The following BACE2 variants were observed in gnomAD, a reference collection of about 807,000 sequenced individuals.
The protein encoded by BACE2 is 56 kDa aspartic-like protease.
A neutral mutation model predicts 46.2 loss-of-function variants in BACE2; 17 were observed. The observed-to-expected ratio is 0.37, with a 90% CI of 0.25 to 0.55. The LOEUF (loss-of-function observed/expected upper bound fraction) is 0.55. Ranked by LOEUF, BACE2 falls within the 20% of genes least tolerant of loss-of-function variation. BACE2 has a pLI of 0.82. For missense variants in BACE2, 595 were observed against 698.1 expected (o/e 0.85, Z 1.66); for synonymous variants, 277 against 295.9 (o/e 0.94, Z 0.66).
intron 5 of BACE2, among the ~76,000 whole-genome samples, chr21:41,243,861 T>TG (rs1987376809): frequency 6.6e-6 from 1 of 152,218 alleles, no homozygotes; most frequent in African/African-American, 2.4e-5. Context: ...TTTTAATCAG[T>TG]GTAGGACAGA....
chr21:41,179,446 G>A lies in BACE2; in HGVS notation c.312+10871G>A. ...TGTCAGGGTGAGTGAACGTGTCCAG[G>A]GTGAGTGAGGGTGTCCAGGGTGCAG... On this transcript the variant is annotated intron_variant, in intron 1 of 8. Transcript: ENST00000330333. 2.3e-6 allele frequency: 3 copies of A among 1,333,036 alleles called. No individual in the cohort carries two copies. The South Asian group carries it at 3.6e-5, about 16-fold the overall frequency. The allele number at this position is 1,333,036 out of a possible 1,614,324, so 82.6% of individuals were successfully genotyped here. A position where few individuals can be genotyped will look rare whatever the true frequency, so the allele number is the denominator to read the frequency against.
chr21:41,266,676 A>G (rs892516988), intron 8 of BACE2, among the ~76,000 whole-genome samples: 1 of 152,146 alleles, frequency 6.6e-6, no homozygotes, highest in Non-Finnish European at 1.5e-5. Flanking sequence ...CCTTTCACCA[A>G]TGGGCAAGGT....
chr21:41,168,705 C>G, intron 1 of BACE2, 130 bp downstream of exon 1: 5 of 512,346 alleles, frequency 9.8e-6, no homozygotes, highest in Admixed American at 4.9e-5. Flanking sequence ...GAGCGGGGAA[C>G]GCAGAGGGGC....
Position 41,168,432 on chromosome 21 carries a change from G to A in BACE2, c.169G>A (p.Ala57Thr). Residue 57 changes from alanine to threonine, a missense_variant, in exon 1 of 9, where the codon GCC becomes ACC. By Grantham distance (58) the Ala-to-Thr change is moderately conservative. Coordinates refer to ENST00000330333, the MANE Select transcript of BACE2 (RefSeq NM_012105.5). ...PGPGTPAERH[A>T]DGLALALEPA... ...ACCCGGGACCCCTGCCGAGCGCCACGCCGACGGCTTGGCGCTCGCCCTGGA... is the reference window on the plus strand; with the variant it reads ...ACCCGGGACCCCTGCCGAGCGCCACACCGACGGCTTGGCGCTCGCCCTGGA... The A allele has an allele frequency of 7.2e-7, 1 of 1,391,168 alleles. No individual in the cohort carries two copies. The allele number at this position is 1,391,168 out of a possible 1,614,324, so 86.2% of individuals were successfully genotyped here.
At chr21:41,215,200 G>A (rs1986422866) in intron 1 of BACE2, among the ~76,000 whole-genome samples, 1 of 152,226 alleles carries the variant, frequency 6.6e-6, no homozygotes, top group African/African-American at 2.4e-5. Context: ...CCCACTGCTG[G>A]ATGCTTGACC....
intron 1 of BACE2, 129 bp downstream of exon 1, chr21:41,168,704 A>T (rs1712346611): frequency 3.0e-6 from 1 of 330,188 alleles, no homozygotes; most frequent in Non-Finnish European, 4.8e-6. Context: ...AGAGCGGGGA[A>T]CGCAGAGGGG....
chr21:41,193,020 A>G lies in BACE2; in HGVS notation c.312+24445A>G, dbSNP rs1985627114. Reference sequence around the variant, plus strand: ...ATATTTATTTCCCATCTCCTGGCACATAAATGTCTCACCAATAAGTCCAGT... The same window carrying G: ...ATATTTATTTCCCATCTCCTGGCACGTAAATGTCTCACCAATAAGTCCAGT... On this transcript the variant is annotated intron_variant, in intron 1 of 8. Coordinates refer to ENST00000330333, the MANE Select transcript of BACE2 (RefSeq NM_012105.5). This position sits in a 1 kb window ranked among gnomAD's most constrained non-coding sequence, Gnocchi z 4.2. Among the ~76,000 whole-genome samples the G allele has an allele frequency of 6.6e-6, 1 of 152,232 alleles. No individual in the cohort carries two copies. Among genetic ancestry groups the G allele is most frequent in the Non-Finnish European group, 1.5e-5 (1 of 68,040 alleles).
intron 8 of BACE2, among the ~76,000 whole-genome samples, 180 bp downstream of exon 8, chr21:41,257,506 G>T (rs1202631869): frequency 6.6e-6 from 1 of 152,178 alleles, no homozygotes; most frequent in African/African-American, 2.4e-5. Flanking sequence ...AGAATTAAAT[G>T]ACATCATCCA....
rs758188595 is a variant in BACE2 at position 41,275,631 on chromosome 21, A to C, written c.*7A>C. On this transcript the variant is annotated 3_prime_UTR_variant, in exon 9 of 9. Coordinates refer to ENST00000330333, the MANE Select transcript of BACE2 (RefSeq NM_012105.5). ...CAGACATCGCTGGAAATGAATAGCC[A>C]GGCCTGACCTCAAGCAACCATGAAC... The C allele has an allele frequency of 6.2e-7, 1 of 1,612,986 alleles. No individual in the cohort carries two copies. The highest frequency in any genetic ancestry group is 8.5e-7 in the Non-Finnish European group (1 of 1,179,340).
intron 1 of BACE2, among the ~76,000 whole-genome samples, chr21:41,219,510 A>G (rs1986573737): frequency 6.6e-6 from 1 of 152,228 alleles, no homozygotes; most frequent in South Asian, 2.1e-4. Context: ...GGATTCTGAT[A>G]TGCCTGCCCC....
rs1039594978 is a variant in BACE2 at position 41,184,524 on chromosome 21, T to C, written c.312+15949T>C. 5 of 167,114 alleles carry C rather than the reference T, an allele frequency of 3.0e-5. No homozygotes were observed. In the Admixed American group the frequency reaches 3.3e-4, roughly 11 times the overall value. 10.4% of individuals were successfully genotyped at this position (167,114 alleles called of 1,614,324 possible). A position where few individuals can be genotyped will look rare whatever the true frequency, so the allele number is the denominator to read the frequency against. ...TATGTACTCTTTGAGTGTTCCCTCATTTCCATCAACTACTTTCCACAGTGG... is the reference window on the plus strand; with the variant it reads ...TATGTACTCTTTGAGTGTTCCCTCACTTCCATCAACTACTTTCCACAGTGG... On this transcript the variant is annotated intron_variant, in intron 1 of 8. Coordinates refer to ENST00000330333, the MANE Select transcript of BACE2 (RefSeq NM_012105.5).
At chr21:41,253,122 T>G (rs541913624) in intron 7 of BACE2, among the ~76,000 whole-genome samples, 1 of 152,346 alleles carries the variant, frequency 6.6e-6, no homozygotes, top group East Asian at 1.9e-4. Flanking sequence ...TGCTATGTTT[T>G]CAGCATCTTT....
chr21:41,197,746 T>C (rs1399522631), intron 1 of BACE2, among the ~76,000 whole-genome samples: 1 of 152,178 alleles, frequency 6.6e-6, no homozygotes. Context: ...CTATTCCTAA[T>C]CTCCATTTTA....
chr21:41,181,496 A>G (rs1985122221), intron 1 of BACE2: 1 of 167,088 alleles, frequency 6.0e-6, no homozygotes, highest in Admixed American at 6.5e-5. Flanking sequence ...TCACTCACAA[A>G]TGGAATCTCA....
At chr21:41,179,925 G>C (rs1329209675) in intron 1 of BACE2, 2 of 370,486 alleles carry the variant, frequency 5.4e-6, no homozygotes, top group Admixed American at 7.7e-5. Flanking sequence ...GCATAGCCCG[G>C]GAGGGTTCTT....
In BACE2 at chr21:41,277,290, T is replaced by G. The variant is rs2088501266; in HGVS notation, c.*1666T>G. 6.6e-6 allele frequency: 1 copy of G among 152,042 alleles called. No individual in the cohort carries two copies. The highest frequency in any genetic ancestry group is 1.5e-5 in the Non-Finnish European group (1 of 68,032). The allele number at this position is 152,042 out of a possible 1,614,324, so 9.4% of individuals were successfully genotyped here. ...GAGGCCACGTCGGCTTGTCATGGTGTCCTGGAAGACTCTCCAGCAGCCAGA... is the reference window on the plus strand; with the variant it reads ...GAGGCCACGTCGGCTTGTCATGGTGGCCTGGAAGACTCTCCAGCAGCCAGA... On this transcript the variant is annotated 3_prime_UTR_variant, in exon 9 of 9. Coordinates refer to ENST00000330333, the MANE Select transcript of BACE2 (RefSeq NM_012105.5).
chr21:41,221,716 T>C lies in BACE2; in HGVS notation c.313-4550T>C, dbSNP rs1306707272. Among the ~76,000 whole-genome samples the C allele has an allele frequency of 3.9e-4, 59 of 151,218 alleles. No homozygotes were observed. The Admixed American group carries it at 3.9e-3, about 10-fold the overall frequency. ...GGTGGCGGGAGCCTGTAGTCCCAGC[T>C]ACTCGGGAGGCTGAGGCAGGAGAAT... On this transcript the variant is annotated intron_variant, in intron 1 of 8. Transcript: ENST00000330333.
At chr21:41,268,007 C>A (rs1409807692) in intron 8 of BACE2, among the ~76,000 whole-genome samples, 2 of 152,150 alleles carry the variant, frequency 1.3e-5, no homozygotes, top group Non-Finnish European at 2.9e-5. Context: ...TCATTATCAA[C>A]CAGATCCTGA....
At chr21:41,188,562 C>G (rs73364427) in intron 1 of BACE2, among the ~76,000 whole-genome samples, 5 of 142,584 alleles carry the variant, frequency 3.5e-5, no homozygotes, top group East Asian at 3.9e-4. Flanking sequence ...TACCCATCAC[C>G]CCCCCAGACC....
Sources: allele counts gnomAD v4.1 joint callset (sites outside exome capture counted in the v4.1 genomes callset), GRCh38; gene constraint gnomAD v4.1.1; non-coding constraint Gnocchi (gnomAD v3.1); transcripts MANE v1.5; gene names NCBI Gene and HGNC (gene_info 2026-07-23, HGNC 2026-07-21).